The following ACTR3C variants were observed in gnomAD, a reference collection of about 807,000 sequenced individuals.
ACTR3C encodes the protein actin related protein 3C, also known as actin-related protein 3C.
ACTR3C carries 18 observed loss-of-function variants against 26.3 expected under a neutral mutation model. That is an observed-to-expected ratio of 0.68 (90% CI 0.47 to 1.01). The LOEUF is 1.01. Among genes scored for constraint, ACTR3C ranks in the 50% least tolerant of loss-of-function variants. The probability of loss-of-function intolerance (pLI) is 0.00; values close to 1 mark genes in which losing one functional copy is unlikely to be tolerated. For missense variants in ACTR3C, 184 were observed against 250.7 expected (o/e 0.73, Z 1.80); for synonymous variants, 55 against 94.5 (o/e 0.58, Z 2.42).
chr7:150,047,576 C>A, the ACTR3C span: 1 of 1,052,542 alleles, frequency 9.5e-7, no homozygotes, highest in East Asian at 6.1e-5. Context: ...CCGGAGCCCC[C>A]GCCGCCGTCC....
At chr7:150,181,993 G>C in the ACTR3C span, among the ~76,000 whole-genome samples, 56 of 150,508 alleles carry the variant, frequency 3.7e-4, no homozygotes, top group Non-Finnish European at 5.3e-4. Context: ...AATTACACTA[G>C]AATGGACACA....
rs1024599968 is a variant in ACTR3C at position 150,283,841 on chromosome 7, C to T, written c.564+912G>A. ...GAGTCATGCCACTGAGCTGACGGCG[C>T]GACTCACTCAAGCAAAGACTGATTA... On this transcript the variant is annotated intron_variant, in intron 6 of 7. Transcript: ENST00000683684. Among the ~76,000 whole-genome samples, 8 of 150,044 alleles carry T rather than the reference C, an allele frequency of 5.3e-5. No individual in the cohort carries two copies. In the East Asian group the frequency reaches 5.8e-4, roughly 11 times the overall value.
At chr7:150,148,176 A>AAAAGT in the ACTR3C span, among the ~76,000 whole-genome samples, 1 of 151,146 alleles carries the variant, frequency 6.6e-6, no homozygotes, top group Non-Finnish European at 1.5e-5. Flanking sequence ...AAAAGAAAAG[A>AAAAGT]AAAGGGGAAA....
At chr7:150,141,764 A>G in the ACTR3C span, among the ~76,000 whole-genome samples, 38 of 151,950 alleles carry the variant, frequency 2.5e-4, no homozygotes, top group Non-Finnish European at 4.6e-4. Flanking sequence ...TTATTACTAC[A>G]AGCAGGGGGT....
At chr7:150,194,926 T>C in the ACTR3C span, among the ~76,000 whole-genome samples, 4 of 152,086 alleles carry the variant, frequency 2.6e-5, no homozygotes, top group Non-Finnish European at 4.4e-5. Context: ...AAACACCATC[T>C]GTATTAAAAA....
At chr7:149,990,347 A>G in the ACTR3C span, among the ~76,000 whole-genome samples, 9 of 134,450 alleles carry the variant, frequency 6.7e-5, no homozygotes, top group Non-Finnish European at 1.3e-4. Context: ...CTCCACAAGA[A>G]CACAGCAGCA....
intron 1 of ACTR3C, among the ~76,000 whole-genome samples, chr7:150,315,407 C>T (rs1307550351): frequency 2.0e-5 from 3 of 152,172 alleles, no homozygotes; most frequent in Non-Finnish European, 4.4e-5. Context: ...GCCTACAAAT[C>T]AATCAGGAAA....
chr7:150,180,121 C>A, the ACTR3C span, among the ~76,000 whole-genome samples: 86 of 150,700 alleles, frequency 5.7e-4, 1 homozygote, highest in African/African-American at 2.0e-3. Context: ...CTGGCTAACA[C>A]GGTGAAACCC....
At chr7:150,318,700 C>T (rs530208897) in intron 1 of ACTR3C, among the ~76,000 whole-genome samples, 12 of 152,098 alleles carry the variant, frequency 7.9e-5, no homozygotes, top group Non-Finnish European at 1.6e-4. Flanking sequence ...GAGCCGAGAT[C>T]GCACCACTGC....
At chr7:150,132,919 T>TA in the ACTR3C span, among the ~76,000 whole-genome samples, 1 of 152,046 alleles carries the variant, frequency 6.6e-6, no homozygotes, top group Non-Finnish European at 1.5e-5. Flanking sequence ...TACACAGCCA[T>TA]AAAAAAAGAA....
chr7:150,037,736 C>A, the ACTR3C span, among the ~76,000 whole-genome samples: 6 of 41,440 alleles, frequency 1.4e-4, no homozygotes, highest in African/African-American at 2.4e-4. Flanking sequence ...GGAAGAGGGT[C>A]TGGCTCTCAG....
At chr7:150,239,866 C>T (rs1832087076), downstream of ACTR3C, among the ~76,000 whole-genome samples, 1 of 151,958 alleles carries the variant, frequency 6.6e-6, no homozygotes, top group South Asian at 2.1e-4. Context: ...ATCCTCCCAC[C>T]TCAGCCTCCT....
At chr7:150,019,931 A>G in the ACTR3C span, among the ~76,000 whole-genome samples, 37 of 152,112 alleles carry the variant, frequency 2.4e-4, no homozygotes, top group Non-Finnish European at 4.6e-4. Context: ...TAAAGGGTCC[A>G]GGGATTCAGG....
intron 6 of ACTR3C, chr7:150,264,549 C>T (rs12113513): frequency 0.034 from 32,489 of 956,644 alleles, 981 homozygotes; most frequent in South Asian, 0.16. Flanking sequence ...CTGAGGGGTG[C>T]TCTGAGTCCA....
chr7:150,042,675 G>T, the ACTR3C span, among the ~76,000 whole-genome samples: 1 of 151,942 alleles, frequency 6.6e-6, no homozygotes, highest in Non-Finnish European at 1.5e-5. Context: ...TTATGTTCAG[G>T]TTTTGCCCAA....
the ACTR3C span, among the ~76,000 whole-genome samples, chr7:150,109,539 C>T: frequency 6.6e-6 from 1 of 151,464 alleles, no homozygotes; most frequent in Non-Finnish European, 1.5e-5. Flanking sequence ...CTTTCCCATC[C>T]ATCTACTCAG....
At chr7:150,134,788 C>T in the ACTR3C span, among the ~76,000 whole-genome samples, 1 of 152,386 alleles carries the variant, frequency 6.6e-6, no homozygotes, top group Admixed American at 6.5e-5. Context: ...AGAGTTCTGG[C>T]CAACCTCAAG....
At chr7:149,883,987 T>C in the ACTR3C span, among the ~76,000 whole-genome samples, 4 of 93,886 alleles carry the variant, frequency 4.3e-5, no homozygotes, top group African/African-American at 1.9e-4. Flanking sequence ...CACAGGTTTT[T>C]AGTGGAGGGA....
chr7:150,120,615 A>T, the ACTR3C span, among the ~76,000 whole-genome samples: 1 of 152,190 alleles, frequency 6.6e-6, no homozygotes, highest in Non-Finnish European at 1.5e-5. Context: ...CCAAAAAAAA[A>T]GCCCAGGACC....
Sources: gnomAD v4.1 joint callset for allele counts (sites outside exome capture counted in the v4.1 genomes callset) on GRCh38, gnomAD v4.1.1 for gene constraint, MANE v1.5 for transcripts, NCBI Gene and HGNC (gene_info 2026-07-23, HGNC 2026-07-21) for gene names.